The following GADL1 variants were observed in gnomAD, a reference collection of about 807,000 sequenced individuals.
The protein encoded by GADL1 is GAD like acidic amino acid decarboxylase 1.
Under a neutral mutation model 69.5 loss-of-function variants are expected in GADL1, and 71 were observed. The ratio of observed to expected loss-of-function variants is 1.02; its 90% CI spans 0.84 to 1.25. GADL1 has a LOEUF of 1.25. GADL1 is among the 50% of genes most tolerant of loss of function. The pLI is 0.00. For missense variants in GADL1, 737 were observed against 631.8 expected (o/e 1.17, Z -1.79); for synonymous variants, 254 against 214.4 (o/e 1.18, Z -1.62).
chr3:30,829,515 T>C (rs1697750005), intron 11 of GADL1, among the ~76,000 whole-genome samples: 1 of 152,046 alleles, frequency 6.6e-6, no homozygotes, highest in African/African-American at 2.4e-5. Flanking sequence ...TCATCAATTA[T>C]TGTCCTAACA....
At chr3:30,752,350 T>C (rs988791199) in intron 14 of GADL1, among the ~76,000 whole-genome samples, 8 of 151,836 alleles carry the variant, frequency 5.3e-5, no homozygotes, top group African/African-American at 1.9e-4. Context: ...ACGGGTGCAG[T>C]TTAAGCACAA....
intron 14 of GADL1, among the ~76,000 whole-genome samples, chr3:30,740,228 T>G (rs1167025878): frequency 6.6e-6 from 1 of 152,216 alleles, no homozygotes; most frequent in Non-Finnish European, 1.5e-5. Context: ...AGGGCTCTGG[T>G]ATTTAAAAAG....
intron 14 of GADL1, among the ~76,000 whole-genome samples, chr3:30,737,463 G>A (rs1248546944): frequency 6.6e-6 from 1 of 151,950 alleles, no homozygotes; most frequent in Non-Finnish European, 1.5e-5. Context: ...GAAACAATGA[G>A]CCTCTTAGTT....
chr3:30,829,526 C>G (rs1398410037), intron 11 of GADL1, among the ~76,000 whole-genome samples: 1 of 151,834 alleles, frequency 6.6e-6, no homozygotes, highest in African/African-American at 2.4e-5. Flanking sequence ...TGTCCTAACA[C>G]AAGCCTTGTG....
At chr3:30,737,917 A>G (rs1179869026) in intron 14 of GADL1, among the ~76,000 whole-genome samples, 2 of 152,202 alleles carry the variant, frequency 1.3e-5, no homozygotes, top group Non-Finnish European at 2.9e-5. Flanking sequence ...AGTGAGCTTC[A>G]CATTTGGTGT....
chr3:30,760,055 T>A (rs1317580097), intron 14 of GADL1, among the ~76,000 whole-genome samples: 1 of 152,222 alleles, frequency 6.6e-6, no homozygotes, highest in Non-Finnish European at 1.5e-5. Flanking sequence ...ATGCTTATTG[T>A]CTCATATCAC....
At chr3:30,865,672 T>G (rs1260141335) in intron 1 of GADL1, among the ~76,000 whole-genome samples, 1 of 151,982 alleles carries the variant, frequency 6.6e-6, no homozygotes, top group Non-Finnish European at 1.5e-5. Context: ...CCGGGAACAG[T>G]CAGCAAGGCA....
At chr3:30,757,089 A>G (rs1457717385) in intron 14 of GADL1, among the ~76,000 whole-genome samples, 2 of 152,144 alleles carry the variant, frequency 1.3e-5, no homozygotes, top group African/African-American at 4.8e-5. Flanking sequence ...TCACCTCGAG[A>G]CTAAGGCTGA....
At chr3:30,769,546 C>T (rs1231467963) in intron 14 of GADL1, among the ~76,000 whole-genome samples, 1 of 76,896 alleles carries the variant, frequency 1.3e-5, no homozygotes, top group Non-Finnish European at 2.5e-5. Flanking sequence ...ATGGTCTAAT[C>T]ATGGGCCAGC....
intron 14 of GADL1, among the ~76,000 whole-genome samples, chr3:30,770,265 G>T (rs1696387677): frequency 6.6e-6 from 1 of 152,214 alleles, no homozygotes; most frequent in East Asian, 1.9e-4. Context: ...AGACACAGTG[G>T]TAAGTGGCCT....
intron 1 of GADL1, among the ~76,000 whole-genome samples, chr3:30,878,393 T>G (rs1698604032): frequency 6.6e-6 from 1 of 151,902 alleles, no homozygotes; most frequent in East Asian, 1.9e-4. Flanking sequence ...ATGGAGAACA[T>G]GAGCAAGTAG....
chr3:30,739,681 C>A (rs555164474), intron 14 of GADL1, among the ~76,000 whole-genome samples: 1 of 152,276 alleles, frequency 6.6e-6, no homozygotes, highest in South Asian at 2.1e-4. Flanking sequence ...AAAACCTGAA[C>A]TTTTAAAGTC....
chr3:30,764,917 C>G (rs541822561), intron 14 of GADL1, among the ~76,000 whole-genome samples: 1 of 133,250 alleles, frequency 7.5e-6, no homozygotes, highest in Admixed American at 7.7e-5. Context: ...ACTACCATTT[C>G]TAGAACATCC....
At chr3:30,861,363 A>T (rs1698318585) in intron 2 of GADL1, among the ~76,000 whole-genome samples, 1 of 151,616 alleles carries the variant, frequency 6.6e-6, no homozygotes, top group Non-Finnish European at 1.5e-5. Flanking sequence ...CTAGGGTCTC[A>T]GCCAATCTTC....
chr3:30,860,240 C>A (rs1377302507), intron 2 of GADL1, among the ~76,000 whole-genome samples: 1 of 151,322 alleles, frequency 6.6e-6, no homozygotes, highest in Non-Finnish European at 1.5e-5. Context: ...CTTACTGGGA[C>A]CCCCCGCTGC....
intron 5 of GADL1, 97 bp downstream of exon 5, chr3:30,850,737 CT>C: frequency 1.5e-6 from 1 of 680,942 alleles, no homozygotes; most frequent in Non-Finnish European, 2.6e-6. Flanking sequence ...TAATATCCAA[CT>C]TTTTGTCGTG....
intron 2 of GADL1, among the ~76,000 whole-genome samples, chr3:30,858,902 G>A (rs1023708907): frequency 3.3e-5 from 5 of 151,952 alleles, no homozygotes; most frequent in Admixed American, 6.6e-5. Context: ...TGGAGGGCAC[G>A]CCAGAGAGGT....
chr3:30,876,271 A>G (rs1200447157), intron 1 of GADL1, among the ~76,000 whole-genome samples: 3 of 151,690 alleles, frequency 2.0e-5, no homozygotes, highest in African/African-American at 7.2e-5. Context: ...ATCAAATTCA[A>G]ATAGGTCTAT....
intron 5 of GADL1, 102 bp downstream of exon 5, chr3:30,850,733 C>T (rs1698134045): frequency 1.5e-6 from 1 of 662,050 alleles, no homozygotes; most frequent in Non-Finnish European, 2.7e-6. Context: ...TTATTAATAT[C>T]CAACTTTTTG....
Sources: gnomAD v4.1 joint callset for allele counts (sites outside exome capture counted in the v4.1 genomes callset) on GRCh38, gnomAD v4.1.1 for gene constraint, MANE v1.5 for transcripts, NCBI Gene and HGNC (gene_info 2026-07-23, HGNC 2026-07-21) for gene names.